Variants in SRSF4 observed in about 807,000 individuals in gnomAD.
SRSF4 encodes serine/arginine-rich splicing factor 4.
A neutral mutation model predicts 48.8 loss-of-function variants in SRSF4; 12 were observed. That is an observed-to-expected ratio of 0.25 (90% confidence interval 0.16 to 0.40). The LOEUF (loss-of-function observed/expected upper bound fraction) is 0.40, where lower values mean the gene tolerates loss of function less well. SRSF4 is among the 10% of genes least tolerant of loss of function. The pLI is 1.00. For synonymous variants in SRSF4, 248 were observed against 232.5 expected (o/e 1.07, Z -0.61); for missense variants, 466 against 667.1 (o/e 0.70, Z 3.32).
chr1:29,179,415 A>T (rs919165568), intron 1 of SRSF4, among the ~76,000 whole-genome samples: 5 of 152,184 alleles, frequency 3.3e-5, no homozygotes, highest in African/African-American at 1.2e-4. Context: ...ACTGGAGTGC[A>T]GTGTCACAAT....
chr1:29,147,745 T>C lies in SRSF4; in HGVS notation c.*665A>G, dbSNP rs1440135110. ...ACTTCAATTCAAACACCATGAAATT[T>C]TGTCAAGCAAAAATAGTCTTTATTC... On this transcript the variant is annotated 3_prime_UTR_variant, in exon 6 of 6. Coordinates refer to ENST00000373795, the MANE Select transcript of SRSF4 (RefSeq NM_005626.5). The C allele has an allele frequency of 6.0e-6, 1 of 167,906 alleles. No individual in the cohort carries two copies. Among genetic ancestry groups the C allele is most frequent in the Non-Finnish European group, 1.3e-5 (1 of 77,050 alleles). 10.4% of individuals were successfully genotyped at this position (167,906 alleles called of 1,614,324 possible).
At chr1:29,178,892 C>T (rs1672911324) in intron 1 of SRSF4, among the ~76,000 whole-genome samples, 2 of 152,148 alleles carry the variant, frequency 1.3e-5, no homozygotes, top group South Asian at 4.1e-4. Context: ...GTAATGATTC[C>T]TCAATGATGC....
rs1220047426 is a variant in SRSF4, at chr1:29,148,860, C to T, written c.1035G>A (p.Arg345=). 3 of 1,603,086 alleles carry T rather than the reference C, an allele frequency of 1.9e-6. No individual in the cohort carries two copies. Among genetic ancestry groups the T allele is most frequent in the African/African-American group, 1.3e-5 (1 of 74,568 alleles). The change falls in exon 6 of 6, where the codon AGG becomes AGA. Residue 345 remains arginine (R), a synonymous_variant. Transcript: ENST00000373795. ...TCTTGTCCTTGCTCTTGCTGCGGCT[C>T]CTGCTCCGGCTCCTGCTGCCCCCTT... ...RSKGGSRSRS[R]SRSKSKDKRK...
chr1:29,168,191 A>ATTT (rs57242686), intron 1 of SRSF4, among the ~76,000 whole-genome samples: 4 of 134,964 alleles, frequency 3.0e-5, no homozygotes, highest in East Asian at 2.3e-4. Context: ...ATTTTTTGTA[A>ATTT]TTTTTTTTTT....
intron 3 of SRSF4, among the ~76,000 whole-genome samples, chr1:29,155,963 T>C (rs1332963802): frequency 2.0e-5 from 3 of 152,114 alleles, no homozygotes; most frequent in Non-Finnish European, 4.4e-5. Context: ...GGAGATATGA[T>C]TAGGAGGTTG....
chr1:29,162,018 G>A (rs1014347181), intron 1 of SRSF4, among the ~76,000 whole-genome samples: 1 of 152,188 alleles, frequency 6.6e-6, no homozygotes, highest in East Asian at 1.9e-4. Flanking sequence ...GTGACAATGT[G>A]CTAGGTTACA....
chr1:29,158,486 G>A (rs1330545839), intron 3 of SRSF4, among the ~76,000 whole-genome samples: 1 of 150,390 alleles, frequency 6.6e-6, no homozygotes, highest in African/African-American at 2.4e-5. Flanking sequence ...CTGGAGTGCA[G>A]TGGCATGATT....
rs576440725 is a variant in SRSF4, at chr1:29,176,125, G to A, written c.107+5521C>T. 8.6e-5 allele frequency among the ~76,000 whole-genome samples: 13 copies of A among 151,754 alleles called. No homozygotes were observed. In the East Asian group the frequency reaches 1.2e-3, roughly 14 times the overall value. On this transcript the variant is annotated intron_variant, in intron 1 of 5. Transcript: ENST00000373795. ...AAATTAGCCGGGCGTGGTGGCACGC[G>A]CCTGTAGTCCCAGCTACTTGGGAGG...
intron 1 of SRSF4, chr1:29,169,207 T>G (rs566840686): frequency 4.4e-4 from 67 of 152,302 alleles, no homozygotes; most frequent in African/African-American, 1.6e-3. Flanking sequence ...GAAACTAACT[T>G]AGAGGAGTTG....
At chr1:29,176,205 T>C (rs1200484864) in intron 1 of SRSF4, among the ~76,000 whole-genome samples, 1 of 152,044 alleles carries the variant, frequency 6.6e-6, no homozygotes, top group African/African-American at 2.4e-5. Context: ...TGAGCTGAGA[T>C]TGTACCACTG....
chr1:29,163,223 G>A (rs1401343960), intron 1 of SRSF4, among the ~76,000 whole-genome samples: 2 of 152,116 alleles, frequency 1.3e-5, no homozygotes, highest in African/African-American at 2.4e-5. Flanking sequence ...GTTCCAACAA[G>A]TGGGTCACTT....
chr1:29,157,859 A>G (rs978308546), intron 3 of SRSF4, among the ~76,000 whole-genome samples: 1 of 152,160 alleles, frequency 6.6e-6, no homozygotes, highest in African/African-American at 2.4e-5. Flanking sequence ...CTTCCTATTG[A>G]GATTAAAAAC....
chr1:29,158,133 C>T (rs990875964), intron 3 of SRSF4, among the ~76,000 whole-genome samples: 1 of 151,432 alleles, frequency 6.6e-6, no homozygotes, highest in Admixed American at 6.6e-5. Flanking sequence ...GGCGCCACTG[C>T]ACTCCAGCCT....
intron 4 of SRSF4, chr1:29,154,486 C>T (rs1574191061): frequency 1.7e-6 from 1 of 573,520 alleles, no homozygotes; most frequent in Non-Finnish European, 3.0e-6. Flanking sequence ...TGAGCAAGGC[C>T]TCTGATTTCT....
intron 1 of SRSF4, among the ~76,000 whole-genome samples, chr1:29,178,437 A>G (rs1341918043): frequency 2.0e-5 from 3 of 147,518 alleles, no homozygotes; most frequent in Admixed American, 1.4e-4. Flanking sequence ...TCCACCTCCC[A>G]GGTTCACGCC....
At chr1:29,157,548 G>A (rs546430045) in intron 3 of SRSF4, among the ~76,000 whole-genome samples, 5 of 152,224 alleles carry the variant, frequency 3.3e-5, no homozygotes, top group Admixed American at 6.5e-5. Flanking sequence ...TAAGCATGAT[G>A]CACCTGAAAA....
chr1:29,181,821 CACGGCG>C lies in SRSF4; in HGVS notation c.-75_-70del. The C allele has an allele frequency of 7.4e-7, 1 of 1,342,702 alleles. No homozygotes were observed. 83.2% of individuals were successfully genotyped at this position (1,342,702 alleles called of 1,614,324 possible). A position where few individuals can be genotyped will look rare whatever the true frequency, so the allele number is the denominator to read the frequency against. On this transcript the variant is annotated 5_prime_UTR_variant, in exon 1 of 6. Transcript: ENST00000373795. ...TAGGCGGCGGCGGGCAAAGCGAGAG[CACGGCG>C]GCAGCGGCGGCGGCGGCAACGGGCG...
At chr1:29,168,652 G>C (rs1446549108) in intron 1 of SRSF4, 1 of 152,068 alleles carries the variant, frequency 6.6e-6, no homozygotes, top group Non-Finnish European at 1.5e-5. Context: ...GAAGAATAGA[G>C]GAAAAATAAG....
At position 29,148,292 on chromosome 1, in the gene SRSF4, A is replaced by G. The variant is rs1672337280; in HGVS notation, c.*118T>C. 3.7e-6 allele frequency: 5 copies of G among 1,338,930 alleles called. No individual in the cohort carries two copies. In the Admixed American group the frequency reaches 5.8e-5, roughly 16 times the overall value. The allele number at this position is 1,338,930 out of a possible 1,614,324, so 82.9% of individuals were successfully genotyped here. The stretch of plus-strand genomic sequence containing the variant: ...ACTTAGATTTAACAATTATAGACAC[A>G]CCATTAGGGGAGTTAAAAATGTACA... On this transcript the variant is annotated 3_prime_UTR_variant, in exon 6 of 6. Transcript: ENST00000373795.
Sources: gnomAD v4.1 joint callset for allele counts (sites outside exome capture counted in the v4.1 genomes callset) on GRCh38, gnomAD v4.1.1 for gene constraint, MANE v1.5 for transcripts, NCBI Gene and HGNC (gene_info 2026-07-23, HGNC 2026-07-21) for gene names.